The following RPS6KC1 variants were observed in gnomAD, a reference collection of about 807,000 sequenced individuals.
The protein encoded by RPS6KC1 is ribosomal protein S6 kinase C1.
In RPS6KC1, 54 loss-of-function variants were observed where a neutral mutation model predicts 103.8. The ratio of observed to expected loss-of-function variants is 0.52; its 90% CI spans 0.42 to 0.65. The LOEUF (loss-of-function observed/expected upper bound fraction) is 0.65, where lower values mean the gene tolerates loss of function less well. RPS6KC1 is among the 30% of genes least tolerant of loss of function. RPS6KC1 has a pLI of 0.00. For missense variants in RPS6KC1, 1,151 were observed against 1,253.8 expected, an observed-to-expected ratio of 0.92 and a Z score of 1.24; for synonymous variants, 439 against 438.7, an observed-to-expected ratio of 1.00 and a Z score of -0.01.
chr1:213,331,313 G>A, the RPS6KC1 span, among the ~76,000 whole-genome samples: 6 of 152,262 alleles, frequency 3.9e-5, no homozygotes, highest in Middle Eastern at 3.4e-3. Context: ...GTGCAGGAGG[G>A]GTCTCCTTGT....
the RPS6KC1 span, among the ~76,000 whole-genome samples, chr1:213,371,257 C>G: frequency 1.3e-5 from 2 of 152,164 alleles, no homozygotes. Context: ...CCTCAAGGCT[C>G]ATCCTGTTGT....
At chr1:213,679,100 G>A in the RPS6KC1 span, among the ~76,000 whole-genome samples, 9 of 152,294 alleles carry the variant, frequency 5.9e-5, no homozygotes, top group Admixed American at 2.0e-4. Flanking sequence ...ACAGATAACT[G>A]AATACCAGGG....
chr1:213,649,258 T>TA, the RPS6KC1 span, among the ~76,000 whole-genome samples: 84,723 of 138,398 alleles, frequency 0.61, 25,917 homozygotes, highest in Middle Eastern at 0.72. Context: ...AGTCTCCACT[T>TA]AAAAAAAAAA....
the RPS6KC1 span, among the ~76,000 whole-genome samples, chr1:213,507,172 C>G: frequency 6.6e-6 from 1 of 152,180 alleles, no homozygotes; most frequent in Admixed American, 6.5e-5. Flanking sequence ...ACAACCTATT[C>G]CAAGTGAACA....
the RPS6KC1 span, among the ~76,000 whole-genome samples, chr1:213,610,985 T>C: frequency 3.3e-5 from 5 of 152,078 alleles, no homozygotes; most frequent in African/African-American, 1.2e-4. Context: ...TTTTGGGGGG[T>C]TGCATATATG....
intron 12 of RPS6KC1, among the ~76,000 whole-genome samples, chr1:213,249,522 CAG>C (rs890477193): frequency 6.6e-6 from 1 of 152,154 alleles, no homozygotes; most frequent in Non-Finnish European, 1.5e-5. Flanking sequence ...AGCAGAGCGG[CAG>C]AGAGAGAGCG....
chr1:213,381,333 C>A, the RPS6KC1 span, among the ~76,000 whole-genome samples: 1 of 152,022 alleles, frequency 6.6e-6, no homozygotes, highest in Non-Finnish European at 1.5e-5. Flanking sequence ...GCTCCCTGTC[C>A]TCTGTGCATT....
intron 1 of RPS6KC1, among the ~76,000 whole-genome samples, chr1:213,059,639 G>C (rs1027679755): frequency 6.6e-6 from 1 of 151,856 alleles, no homozygotes; most frequent in Non-Finnish European, 1.5e-5. Context: ...TCAGCCTCCC[G>C]AGTAGCTGGG....
the RPS6KC1 span, among the ~76,000 whole-genome samples, chr1:213,631,962 G>A: frequency 0.14 from 21,365 of 152,046 alleles, 2,356 homozygotes; most frequent in African/African-American, 0.31. Context: ...CTCCATCATT[G>A]TAGTGTTGTC....
At chr1:213,727,422 A>G in the RPS6KC1 span, among the ~76,000 whole-genome samples, 1 of 152,234 alleles carries the variant, frequency 6.6e-6, no homozygotes, top group Non-Finnish European at 1.5e-5. Context: ...AGCTTAGACT[A>G]TGTGGATTTC....
the RPS6KC1 span, among the ~76,000 whole-genome samples, chr1:213,441,167 A>G: frequency 6.6e-6 from 1 of 152,306 alleles, no homozygotes; most frequent in East Asian, 1.9e-4. Flanking sequence ...AGAATTTTAA[A>G]TGTATCAGCA....
chr1:213,625,497 T>C, the RPS6KC1 span, among the ~76,000 whole-genome samples: 7 of 152,216 alleles, frequency 4.6e-5, no homozygotes, highest in African/African-American at 1.4e-4. Context: ...GTTACATATG[T>C]ATACATGTGC....
At chr1:213,174,524 G>T (rs897873037) in intron 7 of RPS6KC1, among the ~76,000 whole-genome samples, 4 of 152,116 alleles carry the variant, frequency 2.6e-5, no homozygotes, top group East Asian at 1.9e-4. Context: ...ACAGAAATTA[G>T]CTGGGCATGG....
At chr1:213,816,665 C>G in the RPS6KC1 span, among the ~76,000 whole-genome samples, 1 of 152,150 alleles carries the variant, frequency 6.6e-6, no homozygotes, top group Non-Finnish European at 1.5e-5. Context: ...CCCCCTGTTC[C>G]TGGACCTTCT....
chr1:213,620,668 T>G, the RPS6KC1 span, among the ~76,000 whole-genome samples: 1 of 152,346 alleles, frequency 6.6e-6, no homozygotes, highest in South Asian at 2.1e-4. Context: ...ACTAATTAAT[T>G]TATTCCCTCA....
chr1:213,306,500 C>A, the RPS6KC1 span, among the ~76,000 whole-genome samples: 1 of 152,122 alleles, frequency 6.6e-6, no homozygotes, highest in Non-Finnish European at 1.5e-5. Flanking sequence ...AAGCTGTATG[C>A]CTTATGGTGA....
intron 10 of RPS6KC1, among the ~76,000 whole-genome samples, chr1:213,232,703 G>C (rs1195461689): frequency 6.6e-6 from 1 of 152,130 alleles, no homozygotes; most frequent in Non-Finnish European, 1.5e-5. Context: ...ACATTACCTA[G>C]TCATTCTGAT....
At chr1:213,585,418 A>G in the RPS6KC1 span, among the ~76,000 whole-genome samples, 12 of 152,278 alleles carry the variant, frequency 7.9e-5, no homozygotes, top group East Asian at 2.1e-3. Context: ...CAGGAGAATG[A>G]AAAGTGTTCC....
At chr1:213,195,276 A>G (rs1023074420) in intron 8 of RPS6KC1, among the ~76,000 whole-genome samples, 2 of 152,236 alleles carry the variant, frequency 1.3e-5, no homozygotes, top group Middle Eastern at 3.2e-3. Context: ...ATGTACACAC[A>G]TAATACCAGT....
Sources: gnomAD v4.1 joint callset for allele counts (sites outside exome capture counted in the v4.1 genomes callset) on GRCh38, gnomAD v4.1.1 for gene constraint, MANE v1.5 for transcripts, NCBI Gene and HGNC (gene_info 2026-07-23, HGNC 2026-07-21) for gene names.